SLMAP: variants seen among roughly 807,000 people sequenced by gnomAD.
The protein encoded by SLMAP is sarcolemmal membrane-associated protein.
Under a neutral mutation model 128.8 loss-of-function variants are expected in SLMAP, and 44 were observed. That is an observed-to-expected ratio of 0.34 (90% CI 0.27 to 0.44). The LOEUF is 0.44. Ranked by LOEUF, SLMAP falls within the 20% of genes least tolerant of loss-of-function variation. The probability of loss-of-function intolerance (pLI) is 1.00; values close to 1 mark genes in which losing one functional copy is unlikely to be tolerated. For synonymous variants in SLMAP, 327 were observed against 348.8 expected (o/e 0.94, Z 0.70); for missense variants, 787 against 985.3 (o/e 0.80, Z 2.69).
intron 8 of SLMAP, among the ~76,000 whole-genome samples, chr3:57,859,519 C>T (rs1186864092): frequency 4.6e-5 from 7 of 151,928 alleles, no homozygotes; most frequent in Admixed American, 6.6e-5. Context: ...CGCAGAACTG[C>T]GCTCCAGCCT....
chr3:57,905,754 AT>A (rs1332729858), intron 17 of SLMAP, among the ~76,000 whole-genome samples: 2 of 152,156 alleles, frequency 1.3e-5, no homozygotes, highest in South Asian at 4.1e-4. Flanking sequence ...TGTGTATAAA[AT>A]TTTTTTTGAT....
intron 2 of SLMAP, among the ~76,000 whole-genome samples, chr3:57,787,539 C>G (rs2084479719): frequency 6.6e-6 from 1 of 152,162 alleles, no homozygotes; most frequent in Non-Finnish European, 1.5e-5. Flanking sequence ...TGCAGTGGCG[C>G]AATCTCCGCT....
intron 2 of SLMAP, among the ~76,000 whole-genome samples, chr3:57,806,780 G>T (rs143670611): frequency 6.6e-6 from 1 of 152,110 alleles, no homozygotes; most frequent in East Asian, 1.9e-4. Flanking sequence ...GGGCATTTGG[G>T]TTGGTTCCAT....
At chr3:57,864,451 C>T (rs2095235531) in intron 10 of SLMAP, 97 bp from the exon 11 acceptor site, 1 of 725,836 alleles carries the variant, frequency 1.4e-6, no homozygotes, top group Non-Finnish European at 2.3e-6. Context: ...ACAGAACAAA[C>T]TTTTCTTAGA....
At chr3:57,838,939 G>A (rs913428283) in intron 3 of SLMAP, among the ~76,000 whole-genome samples, 1 of 152,126 alleles carries the variant, frequency 6.6e-6, no homozygotes, top group African/African-American at 2.4e-5. Flanking sequence ...ACTGCCAATA[G>A]ATGGTTCTGT....
At chr3:57,802,281 CTT>C (rs869137271) in intron 2 of SLMAP, among the ~76,000 whole-genome samples, 2 of 143,180 alleles carry the variant, frequency 1.4e-5, no homozygotes, top group Non-Finnish European at 1.5e-5. Flanking sequence ...TCTTTGTGTG[CTT>C]TTTTTTTTTT....
intron 8 of SLMAP, among the ~76,000 whole-genome samples, chr3:57,860,401 G>A (rs982387029): frequency 6.6e-6 from 1 of 152,074 alleles, no homozygotes; most frequent in Admixed American, 6.6e-5. Context: ...TGTGAATATG[G>A]TGGCTTGCAG....
chr3:57,763,645 A>G (rs2079110699), intron 2 of SLMAP, among the ~76,000 whole-genome samples: 1 of 152,058 alleles, frequency 6.6e-6, no homozygotes, highest in African/African-American at 2.4e-5. Context: ...AAAGGGGGAG[A>G]AAATGACAAA....
chr3:57,769,170 T>C (rs1402865671), intron 2 of SLMAP, among the ~76,000 whole-genome samples: 1 of 151,890 alleles, frequency 6.6e-6, no homozygotes, highest in African/African-American at 2.4e-5. Flanking sequence ...GTTTGAATTA[T>C]ATCTCCAAAA....
At chr3:57,831,108 A>G (rs973545947) in intron 2 of SLMAP, among the ~76,000 whole-genome samples, 4 of 152,168 alleles carry the variant, frequency 2.6e-5, no homozygotes, top group African/African-American at 7.2e-5. Context: ...GCTGAGTTGT[A>G]TACTAACTTT....
intron 3 of SLMAP, among the ~76,000 whole-genome samples, chr3:57,835,339 A>T (rs1163820890): frequency 6.6e-6 from 1 of 151,774 alleles, no homozygotes; most frequent in Non-Finnish European, 1.5e-5. Flanking sequence ...CACTTGTCTC[A>T]GCTACTCCAG....
At position 57,847,271 on chromosome 3, in the gene SLMAP, G is replaced by A. The variant is rs201590346; in HGVS notation, c.456+38G>A. On this transcript the variant is annotated intron_variant, in intron 5 of 24. Transcript: ENST00000671191. Reference sequence around the variant, plus strand: ...TGATTATTTTTTCCAAACTGACTCAGCTATGTTGCTTTGAAAATGTTTGTT... The same window carrying A: ...TGATTATTTTTTCCAAACTGACTCAACTATGTTGCTTTGAAAATGTTTGTT... 5 of 1,501,576 alleles carry A rather than the reference G, an allele frequency of 3.3e-6. No homozygotes were observed. The African/African-American group carries it at 5.5e-5, about 17-fold the overall frequency. The allele number at this position is 1,501,576 out of a possible 1,614,324, so 93.0% of individuals were successfully genotyped here.
At chr3:57,916,351 A>C (rs1208431555) in intron 21 of SLMAP, among the ~76,000 whole-genome samples, 2 of 152,182 alleles carry the variant, frequency 1.3e-5, no homozygotes, top group Non-Finnish European at 2.9e-5. Flanking sequence ...GTACCAGTTA[A>C]GTGACTTGCT....
At chr3:57,893,653 A>G (rs982082570) in intron 15 of SLMAP, among the ~76,000 whole-genome samples, 1 of 152,164 alleles carries the variant, frequency 6.6e-6, no homozygotes, top group African/African-American at 2.4e-5. Flanking sequence ...TGCCAAAAAT[A>G]TTAAAATCAG....
At chr3:57,880,318 C>T (rs762199153) in intron 14 of SLMAP, among the ~76,000 whole-genome samples, 4 of 151,992 alleles carry the variant, frequency 2.6e-5, no homozygotes, top group African/African-American at 7.2e-5. Flanking sequence ...TCTCCTGTCT[C>T]GGCCTCCTGA....
At position 57,929,372 on chromosome 3, in the gene SLMAP, A is replaced by G. The variant is rs146078143; in HGVS notation, c.*2083A>G. 7.9e-5 allele frequency among the ~76,000 whole-genome samples: 12 copies of G among 152,210 alleles called. No homozygotes were observed. The East Asian group carries it at 2.3e-3, about 29-fold the overall frequency. ...CTGCTTTATTTTTTTCTCTTTTAAT[A>G]TGGTTATTGTTAAAATGAGAGTCAC... On this transcript the variant is annotated 3_prime_UTR_variant, in exon 25 of 25. Transcript: ENST00000671191.
intron 14 of SLMAP, among the ~76,000 whole-genome samples, chr3:57,875,132 T>C (rs903984376): frequency 2.0e-5 from 3 of 152,134 alleles, no homozygotes; most frequent in Non-Finnish European, 2.9e-5. Context: ...ATGAGGACTG[T>C]GTAATAGCAT....
At chr3:57,794,879 CT>C (rs1297441697) in intron 2 of SLMAP, among the ~76,000 whole-genome samples, 1 of 152,154 alleles carries the variant, frequency 6.6e-6, no homozygotes, top group Non-Finnish European at 1.5e-5. Flanking sequence ...AATAATGTCA[CT>C]ATGAAAGTTT....
At chr3:57,893,465 ATC>A (rs1372565142) in intron 15 of SLMAP, among the ~76,000 whole-genome samples, 2 of 151,882 alleles carry the variant, frequency 1.3e-5, no homozygotes, top group Non-Finnish European at 2.9e-5. Flanking sequence ...AAAACAGGCA[ATC>A]TCTGCCATCA....
Sources: allele counts gnomAD v4.1 joint callset (sites outside exome capture counted in the v4.1 genomes callset), GRCh38; gene constraint gnomAD v4.1.1; transcripts MANE v1.5; gene names NCBI Gene and HGNC (gene_info 2026-07-23, HGNC 2026-07-21).